TNKS2: variants seen among roughly 807,000 people sequenced by gnomAD.
TNKS2 encodes the protein poly [ADP-ribose] polymerase tankyrase-2.
A neutral mutation model predicts 137.6 loss-of-function variants in TNKS2; 72 were observed. That is an observed-to-expected ratio of 0.52 (90% CI 0.43 to 0.64). The LOEUF (loss-of-function observed/expected upper bound fraction) is 0.64, where lower values mean the gene tolerates loss of function less well. TNKS2 is among the 30% of genes least tolerant of loss of function. The pLI, the probability that TNKS2 is intolerant of heterozygous loss-of-function variation, is 0.00. For missense variants in TNKS2, 1,049 were observed against 1,410.2 expected, an observed-to-expected ratio of 0.74 and a Z score of 4.10; for synonymous variants, 516 against 512.1, an observed-to-expected ratio of 1.01 and a Z score of -0.10.
At chr10:91,856,894 AAT>A (rs1390528255) in intron 23 of TNKS2, among the ~76,000 whole-genome samples, 4 of 151,284 alleles carry the variant, frequency 2.6e-5, no homozygotes, top group African/African-American at 9.7e-5. Flanking sequence ...TGTTCCTAGA[AAT>A]ACTCCTAATG....
At position 91,863,342 on chromosome 10, in the gene TNKS2, A is replaced by G. The variant is rs1376387800; in HGVS notation, c.*343A>G. The G allele has an allele frequency of 5.7e-6, 1 of 175,828 alleles. No individual in the cohort carries two copies. The highest frequency in any genetic ancestry group is 1.5e-4 in the East Asian group (1 of 6,666). 10.9% of individuals were successfully genotyped at this position (175,828 alleles called of 1,614,324 possible). A position where few individuals can be genotyped will look rare whatever the true frequency, so the allele number is the denominator to read the frequency against. On this transcript the variant is annotated 3_prime_UTR_variant, in exon 27 of 27. Transcript: ENST00000371627. The stretch of plus-strand genomic sequence containing the variant: ...TCAACAGAACTAATTTTACTAATAC[A>G]ATACTGTGTTCTTTAAAACACAGCA...
At chr10:91,807,253 C>A (rs1052925410) in intron 1 of TNKS2, 2 of 1,609,330 alleles carry the variant, frequency 1.2e-6, no homozygotes, top group Non-Finnish European at 1.7e-6. Context: ...TGGAATTTCT[C>A]AATCTTCTTT....
chr10:91,849,879 C>T (rs954194834), intron 20 of TNKS2, among the ~76,000 whole-genome samples: 4 of 145,398 alleles, frequency 2.8e-5, no homozygotes, highest in African/African-American at 1.0e-4. Context: ...ATTCAGTTCT[C>T]TCTCAAGCCT....
At chr10:91,809,201 A>G (rs1844420632) in intron 1 of TNKS2, among the ~76,000 whole-genome samples, 1 of 152,210 alleles carries the variant, frequency 6.6e-6, no homozygotes, top group Admixed American at 6.5e-5. Flanking sequence ...GCTTGCATGT[A>G]TATAAAATAA....
At chr10:91,855,007 A>G in intron 21 of TNKS2, 22 bp from the exon 22 acceptor site, 1 of 1,346,020 alleles carries the variant, frequency 7.4e-7, no homozygotes, top group Non-Finnish European at 1.0e-6. Flanking sequence ...TTATTTTTCT[A>G]CCTTCAAATT....
intron 15 of TNKS2, 144 bp downstream of exon 15, chr10:91,841,592 T>C (rs553395365): frequency 3.8e-6 from 2 of 523,126 alleles, no homozygotes; most frequent in Admixed American, 4.2e-5. Flanking sequence ...AGAATAAATA[T>C]AATAAACATT....
intron 23 of TNKS2, among the ~76,000 whole-genome samples, chr10:91,856,538 A>C (rs981796950): frequency 1.3e-5 from 2 of 152,268 alleles, no homozygotes; most frequent in South Asian, 4.1e-4. Flanking sequence ...AAATGTGTGG[A>C]GTTTTGTTAG....
At chr10:91,837,100 C>T (rs1219985314) in intron 13 of TNKS2, 102 bp downstream of exon 13, 4 of 1,157,526 alleles carry the variant, frequency 3.5e-6, no homozygotes, top group Admixed American at 6.0e-5. Context: ...TTTGTATGGG[C>T]CTTGCCTTAA....
At chr10:91,851,908 A>G (rs1447982498) in intron 21 of TNKS2, among the ~76,000 whole-genome samples, 3 of 152,340 alleles carry the variant, frequency 2.0e-5, no homozygotes, top group East Asian at 3.9e-4. Context: ...GCAGATGTTA[A>G]CACTTTATAC....
At chr10:91,826,260 T>G (rs1018488455) in intron 7 of TNKS2, among the ~76,000 whole-genome samples, 2 of 152,216 alleles carry the variant, frequency 1.3e-5, no homozygotes, top group African/African-American at 4.8e-5. Context: ...AATTTTCCAC[T>G]TGTGTCGTCA....
At chr10:91,822,189 C>A in intron 6 of TNKS2, 107 bp from the exon 7 acceptor site, 1 of 829,096 alleles carries the variant, frequency 1.2e-6, no homozygotes, top group Non-Finnish European at 1.9e-6. Flanking sequence ...ATCACATAAT[C>A]CATTTGCTAT....
At chr10:91,841,667 CAT>C (rs1266603462) in intron 15 of TNKS2, among the ~76,000 whole-genome samples, 20 of 152,014 alleles carry the variant, frequency 1.3e-4, no homozygotes, top group African/African-American at 3.9e-4. Context: ...AGCCAACTAT[CAT>C]GTGATAGTTC....
At chr10:91,832,454 CAA>C (rs1841840389) in intron 11 of TNKS2, among the ~76,000 whole-genome samples, 1 of 140,642 alleles carries the variant, frequency 7.1e-6, no homozygotes, top group African/African-American at 2.7e-5. Context: ...AATCCTAACA[CAA>C]AGTGGTACCC....
At position 91,828,270 on chromosome 10, in the gene TNKS2, T is replaced by C; in HGVS notation, c.983-15T>C. On this transcript the variant is annotated splice_polypyrimidine_tract_variant and intron_variant, in intron 8 of 26. Coordinates refer to ENST00000371627, the MANE Select transcript of TNKS2 (RefSeq NM_025235.4). ...TTGAACTCGTTATACATGTAAATGCTTTTTCTTCATCTAGATGAATTTAAA... is the reference window on the plus strand; with the variant it reads ...TTGAACTCGTTATACATGTAAATGCCTTTTCTTCATCTAGATGAATTTAAA... 6.4e-7 allele frequency: 1 copy of C among 1,551,870 alleles called. No homozygotes were observed. The highest frequency in any genetic ancestry group is 1.2e-5 in the South Asian group (1 of 81,468).
intron 13 of TNKS2, among the ~76,000 whole-genome samples, chr10:91,837,734 C>G (rs1054118068): frequency 1.3e-5 from 2 of 152,166 alleles, no homozygotes; most frequent in Non-Finnish European, 2.9e-5. Flanking sequence ...GTGGGATGCA[C>G]CTGTAATCCC....
rs2133690153 is a variant in TNKS2, at chr10:91,863,431, T to G, written c.*432T>G. 1 of 153,426 alleles carries G rather than the reference T, an allele frequency of 6.5e-6. No individual in the cohort carries two copies. Among genetic ancestry groups the G allele is most frequent in the Admixed American group, 6.5e-5 (1 of 15,332 alleles). 9.5% of individuals were successfully genotyped at this position (153,426 alleles called of 1,614,324 possible). The stretch of plus-strand genomic sequence containing the variant: ...AAGAGCTTTTGTACTAGCCCAGTAT[T>G]TATTTACATTGCTTTGTAATATAAA... On this transcript the variant is annotated 3_prime_UTR_variant, in exon 27 of 27. Coordinates refer to ENST00000371627, the MANE Select transcript of TNKS2 (RefSeq NM_025235.4).
In TNKS2 at chr10:91,798,673, G is replaced by A. The variant is rs1844049582; in HGVS notation, c.-18G>A. On this transcript the variant is annotated 5_prime_UTR_variant, in exon 1 of 27. In the 5' UTR this introduces an upstream ATG that the reference lacks. Transcript: ENST00000371627. ...CCGGTTGCTGGCGCTGTTGCTGGCT[G>A]TGGCGGCGGCCAGGATCATGTCGGG... 3 of 1,223,910 alleles carry A rather than the reference G, an allele frequency of 2.5e-6. No homozygotes were observed. The highest frequency in any genetic ancestry group is 4.0e-5 in the South Asian group (1 of 24,746). 75.8% of individuals were successfully genotyped at this position (1,223,910 alleles called of 1,614,324 possible). A position where few individuals can be genotyped will look rare whatever the true frequency, so the allele number is the denominator to read the frequency against.
At chr10:91,815,097 A>C (rs1844640776) in intron 2 of TNKS2, among the ~76,000 whole-genome samples, 1 of 151,860 alleles carries the variant, frequency 6.6e-6, no homozygotes, top group South Asian at 2.1e-4. Context: ...TTTGTGAGAC[A>C]GATTCAAGGA....
intron 1 of TNKS2, 79 bp downstream of exon 1, chr10:91,798,968 T>C: frequency 7.9e-7 from 1 of 1,269,302 alleles, no homozygotes; most frequent in Non-Finnish European, 1.0e-6. Flanking sequence ...AAACCAGTGC[T>C]CCTCCGCCTC....
Sources: gnomAD v4.1 joint callset for allele counts (sites outside exome capture counted in the v4.1 genomes callset) on GRCh38, gnomAD v4.1.1 for gene constraint, MANE v1.5 for transcripts, NCBI Gene and HGNC (gene_info 2026-07-23, HGNC 2026-07-21) for gene names.